Variants in ZNF385C observed in about 807,000 individuals in gnomAD.
ZNF385C encodes the protein CTD-2132N18.2.
ZNF385C carries 28 observed loss-of-function variants against 35.4 expected under a neutral mutation model. The ratio of observed to expected loss-of-function variants is 0.79; its 90% CI spans 0.59 to 1.08. ZNF385C has a LOEUF of 1.08. ZNF385C is among the 50% of genes least tolerant of loss of function. ZNF385C has a pLI of 0.00. For synonymous variants in ZNF385C, 248 were observed against 248.2 expected, an observed-to-expected ratio of 1.00 and a Z score of 0.01; for missense variants, 605 against 595.6, an observed-to-expected ratio of 1.02 and a Z score of -0.16.
intron 1 of ZNF385C, 61 bp downstream of exon 1, chr17:42,098,349 C>T (rs1317423120): frequency 6.6e-6 from 1 of 152,296 alleles, no homozygotes; most frequent in Non-Finnish European, 1.5e-5. Context: ...AAGAGGCTGC[C>T]TCGTTCTCCC....
Position 42,093,586 on chromosome 17 carries a change from T to TTTA in ZNF385C, c.-3+4823_-3+4824insTAA, listed in dbSNP as rs149433152. On this transcript the variant is annotated intron_variant, in intron 1 of 8. Coordinates refer to ENST00000692273, the MANE Select transcript of ZNF385C (RefSeq NM_001392013.1). ...TTTACTTTTTATTTTATTTTATTTA[T>TTTA]TTTTTTTTTTTTGAGAGAGGGTCTC... 6.1e-3 allele frequency among the ~76,000 whole-genome samples: 549 copies of TTTA among 90,208 alleles called. 8 individuals are homozygous for TTTA. Among genetic ancestry groups the TTTA allele is most frequent in the African/African-American group, 0.034 (528 of 15,362 alleles). The allele number at this position is 90,208 out of a possible 152,430, so 59.2% of individuals were successfully genotyped here.
At chr17:42,058,176 C>G (rs564814033) in intron 2 of ZNF385C, among the ~76,000 whole-genome samples, 1 of 152,208 alleles carries the variant, frequency 6.6e-6, no homozygotes, top group Admixed American at 6.5e-5. Flanking sequence ...TGAGGAGGCT[C>G]AGAGAGGGGA....
rs782567548 is a variant in ZNF385C, at chr17:42,027,685, G to T, written c.1208C>A (p.Thr403Asn). Residue 403 changes from threonine (T) to asparagine (N), a missense_variant, in exon 8 of 9, where the codon ACC becomes AAC. Thr to Asn is a moderately conservative substitution (Grantham distance 65). Transcript: ENST00000692273. ...RRHKDRLAGK[T>N]PKPSSQHSKL... Reference sequence around the variant, plus strand: ...GCTGTGCTGGCTGGAGGGCTTGGGGGTCTTCCCGGCCAGGCGGTCTTTGTG... The same window carrying T: ...GCTGTGCTGGCTGGAGGGCTTGGGGTTCTTCCCGGCCAGGCGGTCTTTGTG... The T allele has an allele frequency of 1.2e-6, 2 of 1,612,610 alleles. No individual in the cohort carries two copies. The highest frequency in any genetic ancestry group is 1.7e-6 in the Non-Finnish European group (2 of 1,179,526).
At chr17:42,074,862 G>A (rs2053668057) in intron 1 of ZNF385C, among the ~76,000 whole-genome samples, 1 of 152,190 alleles carries the variant, frequency 6.6e-6, no homozygotes, top group African/African-American at 2.4e-5. Flanking sequence ...AGACTTGGAA[G>A]GGATCTTAGA....
In ZNF385C at chr17:42,086,782, T is replaced by G. The variant is rs115202096; in HGVS notation, c.-3+11628A>C. On this transcript the variant is annotated intron_variant, in intron 1 of 8. Coordinates refer to ENST00000692273, the MANE Select transcript of ZNF385C (RefSeq NM_001392013.1). ...TTAATTTAAAAACACAAATGTAAGT[T>G]TGTTTTATTAGTTATGTTTTTTCCC... 6.2e-3 allele frequency among the ~76,000 whole-genome samples: 937 copies of G among 151,670 alleles called. 19 individuals carry two copies. Among genetic ancestry groups the G allele is most frequent in the African/African-American group, 0.019 (786 of 41,300 alleles).
intron 3 of ZNF385C, among the ~76,000 whole-genome samples, 183 bp downstream of exon 3, chr17:42,037,554 G>C (rs571899490): frequency 1.3e-5 from 2 of 152,024 alleles, no homozygotes; most frequent in Non-Finnish European, 1.5e-5. Flanking sequence ...AAGAGAGAGC[G>C]GGTCCCTCTC....
intron 1 of ZNF385C, among the ~76,000 whole-genome samples, chr17:42,077,284 C>T (rs897491058): frequency 3.9e-5 from 6 of 152,132 alleles, no homozygotes; most frequent in African/African-American, 9.7e-5. Context: ...TAACAGGTAA[C>T]GGTGTAGAGG....
chr17:42,072,411 A>G (rs1419475723), intron 1 of ZNF385C, among the ~76,000 whole-genome samples: 3 of 152,108 alleles, frequency 2.0e-5, no homozygotes, highest in Admixed American at 6.5e-5. Flanking sequence ...GTCACCAGGC[A>G]AGAAGGGTCT....
At chr17:42,085,166 G>A (rs536316651) in intron 1 of ZNF385C, among the ~76,000 whole-genome samples, 20 of 152,018 alleles carry the variant, frequency 1.3e-4, no homozygotes, top group Non-Finnish European at 1.9e-4. Context: ...GCGTGGTGGC[G>A]TGCACCTGTA....
At chr17:42,059,684 C>T (rs938873782) in intron 2 of ZNF385C, among the ~76,000 whole-genome samples, 34 of 152,046 alleles carry the variant, frequency 2.2e-4, no homozygotes, top group African/African-American at 7.5e-4. Context: ...TGCAGTGGTG[C>T]GATCTCAGCT....
chr17:42,074,657 G>A (rs2053665731), intron 1 of ZNF385C, among the ~76,000 whole-genome samples: 1 of 152,196 alleles, frequency 6.6e-6, no homozygotes, highest in South Asian at 2.1e-4. Flanking sequence ...CCAAAGTGCT[G>A]GGATTACAGG....
rs1555654229 is a variant in ZNF385C, at chr17:42,026,875, A to G, written c.*22T>C. The G allele has an allele frequency of 1.3e-6, 2 of 1,566,444 alleles. No homozygotes were observed. The highest frequency in any genetic ancestry group is 8.7e-7 in the Non-Finnish European group (1 of 1,154,208). On this transcript the variant is annotated 3_prime_UTR_variant, in exon 9 of 9. Coordinates refer to ENST00000692273, the MANE Select transcript of ZNF385C (RefSeq NM_001392013.1). Reference sequence around the variant, plus strand: ...GACAAGGAGTGGCTATTGGGAAATCAGCTCTGGCCTCCCCATGAGGGCTAA... The same window carrying G: ...GACAAGGAGTGGCTATTGGGAAATCGGCTCTGGCCTCCCCATGAGGGCTAA...
At chr17:42,069,401 T>C (rs2143888876) in intron 1 of ZNF385C, among the ~76,000 whole-genome samples, 1 of 152,276 alleles carries the variant, frequency 6.6e-6, no homozygotes, top group East Asian at 1.9e-4. Flanking sequence ...TGAGATTCCC[T>C]GCCTGTCCAT....
At chr17:42,074,099 C>A (rs1334131668) in intron 1 of ZNF385C, among the ~76,000 whole-genome samples, 1 of 152,244 alleles carries the variant, frequency 6.6e-6, no homozygotes, top group African/African-American at 2.4e-5. Context: ...CTTTCCCCAG[C>A]TTCATCACTC....
chr17:42,051,430 T>C (rs1270089066), intron 2 of ZNF385C, among the ~76,000 whole-genome samples: 2 of 151,754 alleles, frequency 1.3e-5, no homozygotes, highest in African/African-American at 4.8e-5. Context: ...GACGTGGAGG[T>C]GTGGAGTCCA....
At chr17:42,029,193 C>T in intron 5 of ZNF385C, 120 bp from the exon 6 acceptor site, 2 of 1,210,064 alleles carry the variant, frequency 1.7e-6, no homozygotes, top group Non-Finnish European at 2.2e-6. Context: ...AATTCCAGGC[C>T]CCACTTTTCT....
Position 42,050,229 on chromosome 17 carries a change from A to G in ZNF385C, c.251-12344T>C, listed in dbSNP as rs2053252685. On this transcript the variant is annotated intron_variant, in intron 2 of 8. Transcript: ENST00000692273. This position sits in a 1 kb window ranked among gnomAD's most constrained non-coding sequence, Gnocchi z 5.6. ...CCTCAAACAGTATTCATGTGGCCCC[A>G]GAATGTGGGTCCCGAGCCTCCTCCC... is the stretch of plus-strand genomic sequence containing the variant. Among the ~76,000 whole-genome samples the G allele has an allele frequency of 6.6e-6, 1 of 152,218 alleles. No individual in the cohort carries two copies. The highest frequency in any genetic ancestry group is 2.4e-5 in the African/African-American group (1 of 41,470).
intron 1 of ZNF385C, among the ~76,000 whole-genome samples, chr17:42,090,312 A>C (rs1302124744): frequency 3.0e-5 from 3 of 99,930 alleles, no homozygotes; most frequent in Non-Finnish European, 5.4e-5. Context: ...TTTGAGATGG[A>C]GTCTCGTTCT....
chr17:42,076,114 C>A (rs984720889), intron 1 of ZNF385C, among the ~76,000 whole-genome samples: 1 of 152,206 alleles, frequency 6.6e-6, no homozygotes, highest in Non-Finnish European at 1.5e-5. Flanking sequence ...AGCAGGACCA[C>A]AGGTGCCAGC....
Sources: allele counts gnomAD v4.1 joint callset (sites outside exome capture counted in the v4.1 genomes callset), GRCh38; gene constraint gnomAD v4.1.1; non-coding constraint Gnocchi (gnomAD v3.1); transcripts MANE v1.5; gene names NCBI Gene and HGNC (gene_info 2026-07-23, HGNC 2026-07-21).